Variants in SAMD12 observed in about 807,000 individuals in gnomAD.
The protein encoded by SAMD12 is sterile alpha motif domain containing 12, also known as sterile alpha motif domain-containing protein 12.
Under a neutral mutation model 15.0 loss-of-function variants are expected in SAMD12, and 9 were observed. The observed-to-expected ratio is 0.60, with a 90% CI of 0.36 to 1.05. The LOEUF is 1.05. Ranked by LOEUF, SAMD12 falls within the 50% of genes least tolerant of loss-of-function variation. The probability of loss-of-function intolerance (pLI) is 0.01; values close to 1 mark genes in which losing one functional copy is unlikely to be tolerated. For synonymous variants in SAMD12, 86 were observed against 90.1 expected (o/e 0.96, Z 0.25); for missense variants, 230 against 234.2 (o/e 0.98, Z 0.12).
chr8:118,142,733 A>G, the SAMD12 span, among the ~76,000 whole-genome samples: 1 of 152,200 alleles, frequency 6.6e-6, no homozygotes, highest in Non-Finnish European at 1.5e-5. Context: ...AAAGCCATTC[A>G]TGTGTCACAC....
At chr8:118,489,002 G>A (rs1824362213) in intron 2 of SAMD12, among the ~76,000 whole-genome samples, 1 of 152,200 alleles carries the variant, frequency 6.6e-6, no homozygotes, top group Non-Finnish European at 1.5e-5. Context: ...GTTCCAGTTG[G>A]TTTTGGTCAA....
chr8:118,311,822 T>G (rs1220593070), intron 4 of SAMD12, among the ~76,000 whole-genome samples: 1 of 152,186 alleles, frequency 6.6e-6, no homozygotes, highest in Admixed American at 6.5e-5. Flanking sequence ...ATCACCATCC[T>G]TTTTTGATCA....
At chr8:118,235,382 T>A (rs1198437162) in intron 4 of SAMD12, among the ~76,000 whole-genome samples, 2 of 152,140 alleles carry the variant, frequency 1.3e-5, no homozygotes, top group African/African-American at 4.8e-5. Flanking sequence ...AGCTAATTTT[T>A]GTATTTTTAG....
chr8:118,533,150 G>C (rs200499117), intron 2 of SAMD12, among the ~76,000 whole-genome samples: 1 of 151,992 alleles, frequency 6.6e-6, no homozygotes, highest in Admixed American at 6.6e-5. Context: ...CTTTGTTCTC[G>C]TTGGTTTCAA....
chr8:118,227,522 G>A (rs889389395), intron 4 of SAMD12, among the ~76,000 whole-genome samples: 3 of 151,916 alleles, frequency 2.0e-5, no homozygotes, highest in South Asian at 2.1e-4. Flanking sequence ...TAAAATGAGA[G>A]TTAAAAAAAA....
intron 4 of SAMD12, among the ~76,000 whole-genome samples, chr8:118,246,874 G>T (rs895526898): frequency 6.6e-6 from 1 of 152,034 alleles, no homozygotes; most frequent in Non-Finnish European, 1.5e-5. Context: ...CAGAAACTAC[G>T]TTCATGAGAA....
intron 2 of SAMD12, among the ~76,000 whole-genome samples, chr8:118,468,933 G>A (rs1823677906): frequency 6.6e-6 from 1 of 152,156 alleles, no homozygotes; most frequent in African/African-American, 2.4e-5. Flanking sequence ...TGCAGTGAGA[G>A]GCTGCTGCTT....
intron 2 of SAMD12, among the ~76,000 whole-genome samples, chr8:118,472,725 T>C (rs1027242118): frequency 4.6e-5 from 7 of 152,154 alleles, no homozygotes; most frequent in Admixed American, 3.9e-4. Flanking sequence ...GGGATTCTAC[T>C]TATTCAGTGG....
intron 2 of SAMD12, among the ~76,000 whole-genome samples, chr8:118,474,328 T>C (rs1823894554): frequency 6.6e-6 from 1 of 152,140 alleles, no homozygotes; most frequent in Non-Finnish European, 1.5e-5. Flanking sequence ...AGCATAACCA[T>C]CCTCATTATC....
At chr8:118,551,755 A>G (rs1002662848) in intron 2 of SAMD12, among the ~76,000 whole-genome samples, 2 of 151,564 alleles carry the variant, frequency 1.3e-5, no homozygotes, top group African/African-American at 4.9e-5. Context: ...TTTTGAAAGG[A>G]TCAACAAAAT....
the SAMD12 span, among the ~76,000 whole-genome samples, chr8:118,169,056 G>A: frequency 3.0e-3 from 453 of 152,124 alleles, 2 homozygotes; most frequent in African/African-American, 0.01. Flanking sequence ...TAGTGGGGAG[G>A]GAAAGAAAGG....
In SAMD12 at chr8:118,274,728, T is replaced by C. The variant is rs188915558; in HGVS notation, c.434-76996A>G. ...TAAATGGAATGTTACAGTATGTGTATTCTGTGATTAGCTTTCTTGCTCCAC... is the reference window on the plus strand; with the variant it reads ...TAAATGGAATGTTACAGTATGTGTACTCTGTGATTAGCTTTCTTGCTCCAC... On this transcript the variant is annotated intron_variant, in intron 4 of 4. Transcript: ENST00000409003. Among the ~76,000 whole-genome samples, 558 of 152,352 alleles carry C rather than the reference T, an allele frequency of 3.7e-3. 2 individuals carry two copies. The highest frequency in any genetic ancestry group is 7.3e-3 in the Admixed American group (112 of 15,304).
intron 2 of SAMD12, among the ~76,000 whole-genome samples, chr8:118,548,582 G>T (rs1430468473): frequency 1.3e-5 from 2 of 152,234 alleles, no homozygotes; most frequent in African/African-American, 4.8e-5. Flanking sequence ...CCAGTCTACA[G>T]CTCCCAGCGT....
At chr8:118,617,215 G>T (rs2460970) in intron 1 of SAMD12, among the ~76,000 whole-genome samples, 2 of 152,236 alleles carry the variant, frequency 1.3e-5, no homozygotes, top group Non-Finnish European at 2.9e-5. Context: ...GCAGTTCTGA[G>T]TTCAAGTTGG....
intron 4 of SAMD12, among the ~76,000 whole-genome samples, chr8:118,352,647 C>T (rs867600894): frequency 2.0e-5 from 3 of 152,068 alleles, no homozygotes; most frequent in East Asian, 1.9e-4. Flanking sequence ...ATTAACTAAC[C>T]GTGTTTGAGA....
chr8:118,467,378 A>T (rs1345761402), intron 2 of SAMD12, among the ~76,000 whole-genome samples: 1 of 152,164 alleles, frequency 6.6e-6, no homozygotes, highest in South Asian at 2.1e-4. Flanking sequence ...ATCCACGTAC[A>T]CTGCTTGGAT....
intron 1 of SAMD12, among the ~76,000 whole-genome samples, chr8:118,601,494 C>T (rs1255705052): frequency 6.6e-6 from 1 of 152,126 alleles, no homozygotes; most frequent in East Asian, 1.9e-4. Flanking sequence ...AGTACAACTC[C>T]CTTTTATCCC....
chr8:118,487,511 C>T (rs781050724), intron 2 of SAMD12, among the ~76,000 whole-genome samples: 2 of 152,116 alleles, frequency 1.3e-5, no homozygotes, highest in Non-Finnish European at 2.9e-5. Flanking sequence ...AATAACATAG[C>T]GGTTTAGCAA....
At chr8:118,472,533 G>A (rs1823829694) in intron 2 of SAMD12, among the ~76,000 whole-genome samples, 2 of 151,936 alleles carry the variant, frequency 1.3e-5, no homozygotes, top group Admixed American at 1.3e-4. Context: ...AAAATAGCCG[G>A]GCATGGCAGC....
Sources: allele counts gnomAD v4.1 joint callset (sites outside exome capture counted in the v4.1 genomes callset), GRCh38; gene constraint gnomAD v4.1.1; transcripts MANE v1.5; gene names NCBI Gene and HGNC (gene_info 2026-07-23, HGNC 2026-07-21).